TMEM223: variants seen among roughly 807,000 people sequenced by gnomAD.
TMEM223 encodes transmembrane protein 223.
In TMEM223, 14 loss-of-function variants were observed where a neutral mutation model predicts 14.1. The ratio of observed to expected loss-of-function variants is 0.99; its 90% CI spans 0.66 to 1.55. The LOEUF (loss-of-function observed/expected upper bound fraction) is 1.55, where lower values mean the gene tolerates loss of function less well. Among genes scored for constraint, TMEM223 ranks in the 40% most tolerant of loss-of-function variants. The pLI is 0.00. For synonymous variants in TMEM223, 145 were observed against 120.5 expected (o/e 1.20, Z -1.33); for missense variants, 346 against 269.9 (o/e 1.28, Z -1.97).
At chr11:62,777,287 AC>A (rs757545836) in intron 1 of TMEM223, among the ~76,000 whole-genome samples, 71 of 152,316 alleles carry the variant, frequency 4.7e-4, no homozygotes, top group Non-Finnish European at 8.1e-4. Flanking sequence ...AGATCACGCC[AC>A]TGCATTCCAG....
rs1167697492 is a variant in TMEM223 at position 62,780,958 on chromosome 11, G to A, written c.315-6293C>T. Among the ~76,000 whole-genome samples, 8 of 142,714 alleles carry A rather than the reference G, an allele frequency of 5.6e-5. No homozygotes were observed. In the South Asian group the frequency reaches 6.6e-4, roughly 12 times the overall value. 93.6% of individuals were successfully genotyped at this position (142,714 alleles called of 152,430 possible). ...TCTCAAAAAAAAAAAAAAAAGGGCC[G>A]GGCACGGTGGCTAACGCCTGTAATC... is the stretch of plus-strand genomic sequence containing the variant. On this transcript the variant is annotated intron_variant, in intron 1 of 2. Coordinates refer to the TMEM223 transcript ENST00000528367.
chr11:62,787,371 G>T, downstream of TMEM223: 1 of 1,542,814 alleles, frequency 6.5e-7, no homozygotes, highest in Non-Finnish European at 8.7e-7. Context: ...GGGTCGCGCC[G>T]GATAAGGTGG....
chr11:62,791,672 G>A lies in TMEM223; in HGVS notation c.316+7C>T, dbSNP rs1490977410. 6.6e-7 allele frequency: 1 copy of A among 1,525,746 alleles called. No homozygotes were observed. Among genetic ancestry groups the A allele is most frequent in the Non-Finnish European group, 8.8e-7 (1 of 1,136,440 alleles). The allele number at this position is 1,525,746 out of a possible 1,614,324, so 94.5% of individuals were successfully genotyped here. ...TTGTCACAGTGGGAAGCCAGCCCAC[G>A]TCTTACCGATGGCGCCGCAGCCGAC... is the stretch of plus-strand genomic sequence containing the variant. On this transcript the variant is annotated splice_region_variant and intron_variant, in intron 1 of 1. Coordinates refer to ENST00000307366, the MANE Select transcript of TMEM223 (RefSeq NM_001080501.3).
chr11:62,778,106 C>T, intron 1 of TMEM223: 2 of 1,614,160 alleles, frequency 1.2e-6, no homozygotes, highest in Non-Finnish European at 1.7e-6. Flanking sequence ...TCCCCAAAGG[C>T]TGTGCTGAGA....
At chr11:62,789,643 T>G, downstream of TMEM223, 1 of 1,549,638 alleles carries the variant, frequency 6.5e-7, no homozygotes, top group Non-Finnish European at 8.7e-7. Flanking sequence ...CCCCTGGAAC[T>G]GCTCTGCAGT....
downstream of TMEM223, chr11:62,771,319 G>C (rs946221810): frequency 2.6e-5 from 4 of 152,480 alleles, no homozygotes; most frequent in Non-Finnish European, 4.4e-5. Flanking sequence ...GAGCCAGGAA[G>C]CCTCCTGGAG....
chr11:62,775,724 C>G (rs573679317), intron 1 of TMEM223: 1 of 1,557,254 alleles, frequency 6.4e-7, no homozygotes, highest in Admixed American at 1.8e-5. Context: ...CTCCTGGGCT[C>G]TCCGGGAGGC....
downstream of TMEM223, among the ~76,000 whole-genome samples, chr11:62,785,628 G>A (rs763907490): frequency 2.0e-5 from 3 of 150,144 alleles, no homozygotes; most frequent in African/African-American, 4.9e-5. Context: ...TCTGCCCCCC[G>A]AGTTCAAGTG....
At chr11:62,777,393 A>G (rs1166668143) in intron 1 of TMEM223, among the ~76,000 whole-genome samples, 3 of 152,226 alleles carry the variant, frequency 2.0e-5, no homozygotes, top group Non-Finnish European at 4.4e-5. Flanking sequence ...TAGCAACAGC[A>G]GACCAGGTGC....
At chr11:62,778,664 G>A in intron 1 of TMEM223, 1 of 614,606 alleles carries the variant, frequency 1.6e-6, no homozygotes, top group Non-Finnish European at 2.9e-6. Context: ...AGGGTGGGTG[G>A]AAGACAGGAC....
downstream of TMEM223, among the ~76,000 whole-genome samples, chr11:62,783,430 C>T (rs147595542): frequency 0.034 from 5,162 of 150,530 alleles, 138 homozygotes; most frequent in Non-Finnish European, 0.055. Flanking sequence ...TGCAGTGAGC[C>T]GAGATTGCGC....
chr11:62,773,933 C>T (rs2084167576), intron 2 of TMEM223, among the ~76,000 whole-genome samples: 1 of 151,966 alleles, frequency 6.6e-6, no homozygotes, highest in South Asian at 2.1e-4. Context: ...GTTCAAAGGT[C>T]CTAAAATAGG....
intron 1 of TMEM223, among the ~76,000 whole-genome samples, chr11:62,781,459 G>A (rs888304718): frequency 6.6e-6 from 1 of 151,910 alleles, no homozygotes; most frequent in Non-Finnish European, 1.5e-5. Flanking sequence ...AGATCACGAG[G>A]TCAGGAGATC....
intron 1 of TMEM223, among the ~76,000 whole-genome samples, chr11:62,779,977 T>TATATATA (rs1491411798): frequency 3.5e-4 from 14 of 40,132 alleles, no homozygotes; most frequent in Admixed American, 1.3e-3. Context: ...TATATATATA[T>TATATATA]TTTTTTTTTT....
intron 1 of TMEM223, chr11:62,777,963 T>A: frequency 6.2e-7 from 1 of 1,613,644 alleles, no homozygotes; most frequent in Non-Finnish European, 8.5e-7. Context: ...GCTCTCCAAT[T>A]CCCTTTTTCC....
chr11:62,787,189 C>T (rs2084290462), downstream of TMEM223: 1 of 1,588,512 alleles, frequency 6.3e-7, no homozygotes, highest in Non-Finnish European at 8.5e-7. Flanking sequence ...GCCGTACGGG[C>T]CTAGCCCGGC....
At chr11:62,776,250 A>T in intron 1 of TMEM223, 1 of 870,196 alleles carries the variant, frequency 1.1e-6, no homozygotes. Context: ...AGGAGCAGAG[A>T]CGGAATCTAG....
In TMEM223 at chr11:62,791,781, C is replaced by T. The variant is rs2084364353; in HGVS notation, c.214G>A (p.Val72Ile). The change falls in exon 1 of 2, where the codon GTT becomes ATT. Residue 72 changes from valine (V) to isoleucine (I), a missense_variant. Coordinates refer to ENST00000307366, the MANE Select transcript of TMEM223 (RefSeq NM_001080501.3). The part of the protein sequence containing the change: ...MAVAAVSRPP[V>I]PVQPLDAEVP... ...TCCGCATCCAGAGGCTGCACCGGAACCGGGGGCCGGGACACGGCTGCCACA... is the reference window on the plus strand; with the variant it reads ...TCCGCATCCAGAGGCTGCACCGGAATCGGGGGCCGGGACACGGCTGCCACA... The T allele has an allele frequency of 6.4e-7, 1 of 1,568,270 alleles. No individual in the cohort carries two copies. The highest frequency in any genetic ancestry group is 8.6e-7 in the Non-Finnish European group (1 of 1,157,300).
chr11:62,783,062 A>G (rs1037072581), downstream of TMEM223, among the ~76,000 whole-genome samples: 4 of 152,314 alleles, frequency 2.6e-5, no homozygotes, highest in Middle Eastern at 3.4e-3. Flanking sequence ...TGCCCGTTCT[A>G]TATTATCACA....
Sources: gnomAD v4.1 joint callset for allele counts (sites outside exome capture counted in the v4.1 genomes callset) on GRCh38, gnomAD v4.1.1 for gene constraint, MANE v1.5 for transcripts, NCBI Gene and HGNC (gene_info 2026-07-23, HGNC 2026-07-21) for gene names.